The following JAKMIP2 variants were observed in gnomAD, a reference collection of about 807,000 sequenced individuals.
JAKMIP2 encodes the protein janus kinase and microtubule interacting protein 2, also known as janus kinase and microtubule-interacting protein 2.
A neutral mutation model predicts 115.0 loss-of-function variants in JAKMIP2; 25 were observed. The observed-to-expected ratio is 0.22, with a 90% CI of 0.16 to 0.30. The LOEUF is 0.30. Ranked by LOEUF, JAKMIP2 falls within the 10% of genes least tolerant of loss-of-function variation. JAKMIP2 has a pLI of 1.00. For missense variants in JAKMIP2, 642 were observed against 957.6 expected, an observed-to-expected ratio of 0.67 and a Z score of 4.35; for synonymous variants, 334 against 343.6, an observed-to-expected ratio of 0.97 and a Z score of 0.31.
intron 1 of JAKMIP2, among the ~76,000 whole-genome samples, chr5:147,691,630 GC>G (rs1164696058): frequency 6.6e-6 from 1 of 152,148 alleles, no homozygotes; most frequent in Non-Finnish European, 1.5e-5. Context: ...CACAACCCAA[GC>G]TTTGGCCCTG....
intron 19 of JAKMIP2, 90 bp downstream of exon 19, chr5:147,617,821 T>C: frequency 1.0e-6 from 1 of 992,918 alleles, no homozygotes; most frequent in Non-Finnish European, 1.6e-6. Flanking sequence ...CTCCTGGGCT[T>C]CTCCGTACCC....
intron 1 of JAKMIP2, among the ~76,000 whole-genome samples, chr5:147,737,111 A>T (rs758030107): frequency 5.3e-5 from 8 of 152,174 alleles, no homozygotes; most frequent in Non-Finnish European, 1.0e-4. Context: ...TTAATTCCTG[A>T]GACTTAAGTA....
At chr5:147,650,750 T>A (rs1758357423) in intron 3 of JAKMIP2, among the ~76,000 whole-genome samples, 1 of 151,984 alleles carries the variant, frequency 6.6e-6, no homozygotes, top group African/African-American at 2.4e-5. Flanking sequence ...TCAAGGAGAG[T>A]AATTTTTTTT....
rs912633862 is a variant in JAKMIP2, at chr5:147,587,297, A to C, written c.*4410T>G. On this transcript the variant is annotated 3_prime_UTR_variant, in exon 22 of 22. Transcript: ENST00000616793. ...TGTAATAGATAAATCTAAATTAGTA[A>C]AATGATAGAATTAAACTGCCAAAAG... 6.6e-6 allele frequency: 1 copy of C among 152,166 alleles called. No homozygotes were observed. The highest frequency in any genetic ancestry group is 2.4e-5 in the African/African-American group (1 of 41,434). 9.4% of individuals were successfully genotyped at this position (152,166 alleles called of 1,614,324 possible). A position where few individuals can be genotyped will look rare whatever the true frequency, so the allele number is the denominator to read the frequency against.
rs1758951402 is a variant in JAKMIP2 at position 147,661,203 on chromosome 5, G to A, written c.372C>T (p.Gly124=). 1 of 1,614,050 alleles carries A rather than the reference G, an allele frequency of 6.2e-7. No individual in the cohort carries two copies. Among genetic ancestry groups the A allele is most frequent in the Non-Finnish European group, 8.5e-7 (1 of 1,180,028 alleles). Residue 124 remains glycine, a synonymous_variant, in exon 3 of 22, where the codon GGC becomes GGT. Coordinates refer to ENST00000616793, the MANE Select transcript of JAKMIP2 (RefSeq NM_001270941.2). The part of the protein sequence containing the change: ...LKSALCALRD[G]SSDKVRTALT... ...GCGCTGTCCTTACTTTGTCACTGCT[G>A]CCGTCGCGGAGAGCACAGAGAGCAG... is the stretch of plus-strand genomic sequence containing the variant.
Position 147,639,665 on chromosome 5 carries a change from C to T in JAKMIP2, c.1497G>A (p.Thr499=), listed in dbSNP as rs1006138629. 8.1e-6 allele frequency: 13 copies of T among 1,613,628 alleles called. No individual in the cohort carries two copies. Among genetic ancestry groups the T allele is most frequent in the African/African-American group, 2.7e-5 (2 of 74,874 alleles). The change falls in exon 10 of 22, where the codon ACG becomes ACA. Residue 499 remains threonine (T), a synonymous_variant. Coordinates refer to ENST00000616793, the MANE Select transcript of JAKMIP2 (RefSeq NM_001270941.2). ...QRAYALLQEQ[T]GGIIDAEREA... is the part of the protein sequence containing the mutation. ...CTCGTTCAGCGTCGATGATGCCTCC[C>T]GTCTGCTCCTGTAGGAGGGCATATG... is the stretch of plus-strand genomic sequence containing the variant.
At chr5:147,623,574 C>T in intron 17 of JAKMIP2, 47 bp downstream of exon 17, 1 of 1,259,842 alleles carries the variant, frequency 7.9e-7, no homozygotes, top group Non-Finnish European at 1.2e-6. Flanking sequence ...TTTCCATTTG[C>T]CTTGTAAGTT....
intron 1 of JAKMIP2, among the ~76,000 whole-genome samples, chr5:147,736,479 T>TA (rs1364642449): frequency 5.3e-5 from 8 of 152,134 alleles, no homozygotes; most frequent in African/African-American, 1.9e-4. Flanking sequence ...AATTAAAAAT[T>TA]AAAAAATTAA....
At chr5:147,622,166 C>G (rs77456755) in intron 17 of JAKMIP2, among the ~76,000 whole-genome samples, 1 of 152,126 alleles carries the variant, frequency 6.6e-6, no homozygotes, top group Non-Finnish European at 1.5e-5. Context: ...TGTGCCCAGA[C>G]GAATCTTGTT....
intron 1 of JAKMIP2, among the ~76,000 whole-genome samples, chr5:147,735,833 C>T (rs1009462674): frequency 6.6e-6 from 1 of 152,148 alleles, no homozygotes; most frequent in Non-Finnish European, 1.5e-5. Context: ...ATTGGTAGCT[C>T]AGTGTAGGTT....
At chr5:147,614,672 G>C (rs1756485856) in intron 19 of JAKMIP2, among the ~76,000 whole-genome samples, 1 of 152,042 alleles carries the variant, frequency 6.6e-6, no homozygotes, top group Admixed American at 6.6e-5. Context: ...TAAGCGGGTG[G>C]GGAAGAAAAG....
chr5:147,751,249 T>C (rs1357415554), intron 1 of JAKMIP2, among the ~76,000 whole-genome samples: 1 of 138,066 alleles, frequency 7.2e-6, no homozygotes, highest in African/African-American at 2.9e-5. Context: ...GTTGTTTTTT[T>C]GTTGTTGTTT....
Position 147,635,988 on chromosome 5 carries a change from T to A in JAKMIP2, c.1677+234A>T, listed in dbSNP as rs78903056. ...TTAGCAAATCAGGAGGTTTCAGGGA[T>A]CACATCCTTTCAAGTCTGCACAATG... On this transcript the variant is annotated intron_variant, in intron 12 of 21. Transcript: ENST00000616793. 6.4e-3 allele frequency among the ~76,000 whole-genome samples: 973 copies of A among 152,252 alleles called. 53 individuals carry two copies. In the East Asian group the frequency reaches 0.13, roughly 21 times the overall value.
Position 147,587,371 on chromosome 5 carries a change from C to T in JAKMIP2, c.*4336G>A, listed in dbSNP as rs959854587. On this transcript the variant is annotated 3_prime_UTR_variant, in exon 22 of 22. Transcript: ENST00000616793. ...GTTATGAAAATTTCACAAAAGGCAACAAGCAATGCAACTCCCAAATTACAG... is the reference window on the plus strand; with the variant it reads ...GTTATGAAAATTTCACAAAAGGCAATAAGCAATGCAACTCCCAAATTACAG... 5.9e-5 allele frequency: 9 copies of T among 151,900 alleles called. No homozygotes were observed. Among genetic ancestry groups the T allele is most frequent in the African/African-American group, 2.2e-4 (9 of 41,360 alleles). 9.4% of individuals were successfully genotyped at this position (151,900 alleles called of 1,614,324 possible). A position where few individuals can be genotyped will look rare whatever the true frequency, so the allele number is the denominator to read the frequency against.
intron 1 of JAKMIP2, among the ~76,000 whole-genome samples, chr5:147,737,241 C>A (rs1405353699): frequency 6.6e-6 from 1 of 152,150 alleles, no homozygotes; most frequent in African/African-American, 2.4e-5. Context: ...CTGTTCTAGT[C>A]TTGTTATAAC....
chr5:147,715,848 T>C (rs1259713650), intron 1 of JAKMIP2, among the ~76,000 whole-genome samples: 2 of 150,216 alleles, frequency 1.3e-5, no homozygotes, highest in East Asian at 1.9e-4. Flanking sequence ...TTACTTTCTT[T>C]TTTTTTTAAT....
chr5:147,646,962 A>T (rs983690574), intron 5 of JAKMIP2, among the ~76,000 whole-genome samples: 1 of 151,946 alleles, frequency 6.6e-6, no homozygotes, highest in Non-Finnish European at 1.5e-5. Flanking sequence ...ACAAGCAGAC[A>T]AAAATATCAG....
intron 1 of JAKMIP2, among the ~76,000 whole-genome samples, chr5:147,690,977 C>G (rs1751816290): frequency 6.6e-6 from 1 of 152,108 alleles, no homozygotes; most frequent in South Asian, 2.1e-4. Context: ...GTGCCTGAAG[C>G]TCTATTCTGG....
At chr5:147,751,200 C>T (rs61162940) in intron 1 of JAKMIP2, among the ~76,000 whole-genome samples, 46,977 of 150,876 alleles carry the variant, frequency 0.31, 8,414 homozygotes, top group African/African-American at 0.5. Flanking sequence ...GCCTCCCAAG[C>T]AGCTGGGATT....
Sources: gnomAD v4.1 joint callset for allele counts (sites outside exome capture counted in the v4.1 genomes callset) on GRCh38, gnomAD v4.1.1 for gene constraint, MANE v1.5 for transcripts, NCBI Gene and HGNC (gene_info 2026-07-23, HGNC 2026-07-21) for gene names.